TEC: variants seen among roughly 807,000 people sequenced by gnomAD.
TEC encodes tec protein tyrosine kinase.
TEC carries 72 observed loss-of-function variants against 93.0 expected under a neutral mutation model. The ratio of observed to expected loss-of-function variants is 0.77; its 90% CI spans 0.64 to 0.94. The LOEUF (loss-of-function observed/expected upper bound fraction) is 0.94. Ranked by LOEUF, TEC falls within the 40% of genes least tolerant of loss-of-function variation. The probability of loss-of-function intolerance (pLI) is 0.00; values close to 1 mark genes in which losing one functional copy is unlikely to be tolerated. For synonymous variants in TEC, 249 were observed against 247.7 expected (o/e 1.01, Z -0.05); for missense variants, 630 against 757.9 (o/e 0.83, Z 1.98).
intron 9 of TEC, among the ~76,000 whole-genome samples, chr4:48,154,322 T>C (rs909274507): frequency 9.2e-5 from 14 of 152,230 alleles, no homozygotes; most frequent in African/African-American, 2.2e-4. Context: ...CAGGTTTAGG[T>C]TGTCTCTGAT....
At chr4:48,180,941 G>T (rs1721559216) in intron 2 of TEC, among the ~76,000 whole-genome samples, 1 of 152,126 alleles carries the variant, frequency 6.6e-6, no homozygotes, top group Non-Finnish European at 1.5e-5. Flanking sequence ...CAAGTCAGTG[G>T]CAGTAAAGTA....
At chr4:48,171,098 G>A (rs1389370634) in intron 4 of TEC, among the ~76,000 whole-genome samples, 4 of 151,990 alleles carry the variant, frequency 2.6e-5, no homozygotes, top group South Asian at 2.1e-4. Flanking sequence ...AAAAGCTTGC[G>A]CTTTATCACC....
intron 1 of TEC, among the ~76,000 whole-genome samples, chr4:48,269,042 TAC>T (rs1293035457): frequency 7.1e-6 from 1 of 141,680 alleles, no homozygotes; most frequent in African/African-American, 2.6e-5. Context: ...TTCCAAGAAG[TAC>T]ATACATTGGC....
chr4:48,177,270 T>A (rs1015698129), intron 2 of TEC, among the ~76,000 whole-genome samples: 3 of 152,214 alleles, frequency 2.0e-5, no homozygotes, highest in Non-Finnish European at 2.9e-5. Flanking sequence ...ATTTGCTGAA[T>A]AATATTAACA....
chr4:48,158,092 T>C (rs1459884095), intron 8 of TEC, among the ~76,000 whole-genome samples: 2 of 152,208 alleles, frequency 1.3e-5, no homozygotes, highest in African/African-American at 4.8e-5. Flanking sequence ...TCTGGACATT[T>C]AAATTTCCCA....
intron 1 of TEC, among the ~76,000 whole-genome samples, chr4:48,242,147 T>C (rs1394205913): frequency 6.6e-5 from 10 of 152,204 alleles, no homozygotes; most frequent in Admixed American, 6.5e-4. Context: ...ATTCTGAAAA[T>C]CAAATTTACT....
intron 1 of TEC, among the ~76,000 whole-genome samples, chr4:48,242,170 A>C (rs1723938725): frequency 6.6e-6 from 1 of 152,248 alleles, no homozygotes; most frequent in South Asian, 2.1e-4. Context: ...TATAAGCAAT[A>C]TGGACCCACA....
At chr4:48,265,517 T>TATATA (rs1560430160) in intron 1 of TEC, among the ~76,000 whole-genome samples, 18 of 72,708 alleles carry the variant, frequency 2.5e-4, no homozygotes, top group African/African-American at 7.5e-4. Context: ...ATATATATAT[T>TATATA]TTTTTTTTTT....
rs576025601 is a variant in TEC, at chr4:48,146,775, C to T, written c.1007-376G>A. Among the ~76,000 whole-genome samples the T allele has an allele frequency of 5.3e-5, 8 of 152,200 alleles. No individual in the cohort carries two copies. The South Asian group carries it at 1.0e-3, about 20-fold the overall frequency. On this transcript the variant is annotated intron_variant, in intron 11 of 17. Transcript: ENST00000381501. Reference sequence around the variant, plus strand: ...GTATTAGCAATCTTAGCATACAAATCGGGCTCTAGGATAGCAACAACTGGG... The same window carrying T: ...GTATTAGCAATCTTAGCATACAAATTGGGCTCTAGGATAGCAACAACTGGG...
intron 1 of TEC, 48 bp from the exon 2 acceptor site, chr4:48,228,707 T>G: frequency 6.8e-7 from 1 of 1,478,282 alleles, no homozygotes; most frequent in Non-Finnish European, 9.0e-7. Context: ...TAATTTTCTA[T>G]GGATGTTGCC....
chr4:48,215,544 G>T (rs1047726357), intron 2 of TEC, among the ~76,000 whole-genome samples: 7 of 152,088 alleles, frequency 4.6e-5, no homozygotes, highest in African/African-American at 1.7e-4. Flanking sequence ...ATAGGCTTGT[G>T]CTAGATGATT....
At chr4:48,233,821 A>C (rs1723708083) in intron 1 of TEC, among the ~76,000 whole-genome samples, 1 of 151,844 alleles carries the variant, frequency 6.6e-6, no homozygotes, top group South Asian at 2.1e-4. Flanking sequence ...TCTCCCAAAA[A>C]AAAAAAAAAT....
At chr4:48,261,191 T>G (rs1724488773) in intron 1 of TEC, among the ~76,000 whole-genome samples, 1 of 152,172 alleles carries the variant, frequency 6.6e-6, no homozygotes, top group Non-Finnish European at 1.5e-5. Context: ...CTGGTTTAAG[T>G]ATGTGACAAA....
At chr4:48,201,806 G>A (rs190224847) in intron 2 of TEC, among the ~76,000 whole-genome samples, 321 of 152,178 alleles carry the variant, frequency 2.1e-3, no homozygotes, top group African/African-American at 7.5e-3. Context: ...GACTGTGGAG[G>A]GATCTCCATG....
intron 2 of TEC, among the ~76,000 whole-genome samples, chr4:48,178,346 G>T (rs1043902719): frequency 6.6e-6 from 1 of 152,158 alleles, no homozygotes. Flanking sequence ...TCAAGAAAAT[G>T]CTAAGATTTT....
intron 14 of TEC, among the ~76,000 whole-genome samples, chr4:48,142,743 C>T (rs962745546): frequency 9.9e-5 from 15 of 151,906 alleles, no homozygotes; most frequent in African/African-American, 3.6e-4. Context: ...TCCAGTGGTG[C>T]GACCTTGGCT....
At chr4:48,138,629 A>G in intron 17 of TEC, 36 bp downstream of exon 17, 1 of 1,573,982 alleles carries the variant, frequency 6.4e-7, no homozygotes, top group Non-Finnish European at 8.6e-7. Context: ...CCAATCCCTA[A>G]GAGATTCAAA....
chr4:48,149,454 A>C, intron 11 of TEC, 103 bp downstream of exon 11: 1 of 1,191,084 alleles, frequency 8.4e-7, no homozygotes, highest in Non-Finnish European at 1.1e-6. Flanking sequence ...CACATTCTAC[A>C]ATGAACTAAC....
At chr4:48,209,070 T>C (rs1428953326) in intron 2 of TEC, among the ~76,000 whole-genome samples, 1 of 152,194 alleles carries the variant, frequency 6.6e-6, no homozygotes, top group Admixed American at 6.5e-5. Flanking sequence ...GGTAGATATA[T>C]TCCTCCACCA....
Sources: allele counts gnomAD v4.1 joint callset (sites outside exome capture counted in the v4.1 genomes callset), GRCh38; gene constraint gnomAD v4.1.1; transcripts MANE v1.5; gene names NCBI Gene and HGNC (gene_info 2026-07-23, HGNC 2026-07-21).